Variants in GUCY1A2 observed in about 807,000 individuals in gnomAD.
GUCY1A2 encodes guanylate cyclase soluble subunit alpha-2.
Under a neutral mutation model 63.5 loss-of-function variants are expected in GUCY1A2, and 27 were observed. The observed-to-expected ratio is 0.43, with a 90% CI of 0.31 to 0.59. The LOEUF (loss-of-function observed/expected upper bound fraction) is 0.59, where lower values mean the gene tolerates loss of function less well. Ranked by LOEUF, GUCY1A2 falls within the 20% of genes least tolerant of loss-of-function variation. The pLI, the probability that GUCY1A2 is intolerant of heterozygous loss-of-function variation, is 0.11. For synonymous variants in GUCY1A2, 364 were observed against 343.5 expected, an observed-to-expected ratio of 1.06 and a Z score of -0.66; for missense variants, 768 against 913.3, an observed-to-expected ratio of 0.84 and a Z score of 2.05.
chr11:106,716,629 C>T (rs1863218937), intron 6 of GUCY1A2, among the ~76,000 whole-genome samples: 1 of 151,756 alleles, frequency 6.6e-6, no homozygotes, highest in Non-Finnish European at 1.5e-5. Context: ...ATTAGCTGAG[C>T]GTGGTGGAGG....
At chr11:106,721,276 C>G (rs1470517123) in intron 6 of GUCY1A2, among the ~76,000 whole-genome samples, 2 of 152,114 alleles carry the variant, frequency 1.3e-5, no homozygotes, top group Non-Finnish European at 2.9e-5. Context: ...CCAGGCTACT[C>G]TCAAACTCGC....
intron 1 of GUCY1A2, among the ~76,000 whole-genome samples, chr11:106,999,738 C>T (rs117086899): frequency 0.013 from 2,051 of 152,070 alleles, 29 homozygotes; most frequent in South Asian, 0.045. Flanking sequence ...ATTACATGTC[C>T]AATGGAATTG....
intron 6 of GUCY1A2, among the ~76,000 whole-genome samples, chr11:106,772,303 T>C (rs996511483): frequency 2.0e-5 from 3 of 152,138 alleles, no homozygotes; most frequent in African/African-American, 7.2e-5. Flanking sequence ...TAACTTGTAA[T>C]TTAAATCACC....
At chr11:106,746,669 A>C in intron 6 of GUCY1A2, 1 of 1,318,630 alleles carries the variant, frequency 7.6e-7, no homozygotes, top group South Asian at 1.2e-5. Flanking sequence ...CGAGACACCA[A>C]GTGAATCAAG....
At chr11:106,757,546 G>A (rs1286418564) in intron 6 of GUCY1A2, among the ~76,000 whole-genome samples, 3 of 151,996 alleles carry the variant, frequency 2.0e-5, no homozygotes, top group Non-Finnish European at 4.4e-5. Flanking sequence ...GTGGGTGTCC[G>A]TTTTGTTGAT....
chr11:107,007,511 G>C (rs1200413406), intron 1 of GUCY1A2, among the ~76,000 whole-genome samples: 1 of 152,044 alleles, frequency 6.6e-6, no homozygotes, highest in Non-Finnish European at 1.5e-5. Flanking sequence ...CTGACATATA[G>C]GCCTTCTAAT....
intron 4 of GUCY1A2, chr11:106,826,716 CGCT>C: frequency 6.2e-7 from 1 of 1,610,216 alleles, no homozygotes; most frequent in Admixed American, 1.7e-5. Flanking sequence ...CTCCTGAACT[CGCT>C]GCAGCCATGC....
At chr11:106,945,255 G>C (rs1442536757) in intron 3 of GUCY1A2, among the ~76,000 whole-genome samples, 1 of 151,598 alleles carries the variant, frequency 6.6e-6, no homozygotes, top group East Asian at 1.9e-4. Flanking sequence ...ATGAAAGCTA[G>C]ATGATGAGAG....
Position 107,018,456 on chromosome 11 carries a change from G to A in GUCY1A2, c.-401C>T, listed in dbSNP as rs1297531129. On this transcript the variant is annotated 5_prime_UTR_variant, in exon 1 of 8. Transcript: ENST00000526355. ...GAGGGCTGCGGCCCAAGCAGAAGGGGAGGCAGAGGCAGAGGCTTCTGCCGC... is the reference window on the plus strand; with the variant it reads ...GAGGGCTGCGGCCCAAGCAGAAGGGAAGGCAGAGGCAGAGGCTTCTGCCGC... 6.6e-6 allele frequency: 1 copy of A among 150,786 alleles called. No homozygotes were observed. The highest frequency in any genetic ancestry group is 2.4e-5 in the African/African-American group (1 of 41,308). The allele number at this position is 150,786 out of a possible 1,614,324, so 9.3% of individuals were successfully genotyped here.
chr11:106,947,843 C>T (rs1860851367), intron 3 of GUCY1A2, among the ~76,000 whole-genome samples: 1 of 151,788 alleles, frequency 6.6e-6, no homozygotes, highest in African/African-American at 2.4e-5. Flanking sequence ...GAAATGTTTT[C>T]AGCAACAAAA....
rs1452053518 is a variant in GUCY1A2, at chr11:106,750,935, C to CTAAAG, written c.1836+25499_1836+25503dup. ...CTATAAAATAAAATCAGTCATTCTG[C>CTAAAG]TAAAGTATAACTTTTAAGGATGAAT... On this transcript the variant is annotated intron_variant, in intron 6 of 7. Transcript: ENST00000526355. 2.0e-5 allele frequency among the ~76,000 whole-genome samples: 3 copies of CTAAAG among 152,042 alleles called. No homozygotes were observed. In the East Asian group the frequency reaches 5.8e-4, roughly 29 times the overall value.
chr11:106,923,655 T>C (rs1251256114), intron 4 of GUCY1A2, among the ~76,000 whole-genome samples: 1 of 152,106 alleles, frequency 6.6e-6, no homozygotes, highest in Non-Finnish European at 1.5e-5. Context: ...CTTTAGCAAA[T>C]ATTGACATAT....
intron 6 of GUCY1A2, among the ~76,000 whole-genome samples, chr11:106,761,387 G>A (rs11211899): frequency 0.15 from 23,162 of 152,010 alleles, 3,253 homozygotes; most frequent in African/African-American, 0.38. Context: ...AAGAAAAGAA[G>A]GATGGGTGTC....
At chr11:106,833,867 T>C (rs1340517396) in intron 4 of GUCY1A2, among the ~76,000 whole-genome samples, 1 of 152,162 alleles carries the variant, frequency 6.6e-6, no homozygotes, top group East Asian at 1.9e-4. Flanking sequence ...AGAAGAGCTA[T>C]GCAGTAGTCT....
chr11:107,005,648 T>C (rs1861661673), intron 1 of GUCY1A2, among the ~76,000 whole-genome samples: 2 of 152,210 alleles, frequency 1.3e-5, no homozygotes, highest in Non-Finnish European at 2.9e-5. Context: ...ATGGAATATA[T>C]GCTGAATAAA....
rs1038841207 is a variant in GUCY1A2, at chr11:106,736,266, G to A, written c.1837-27600C>T. Among the ~76,000 whole-genome samples the A allele has an allele frequency of 2.6e-5, 4 of 152,070 alleles. No homozygotes were observed. The East Asian group carries it at 7.7e-4, about 29-fold the overall frequency. The stretch of plus-strand genomic sequence containing the variant: ...CCTTTTAGTAGTTTCATAGTTTGAG[G>A]TCTAAGAATTTAAATCTTTAATCTA... On this transcript the variant is annotated intron_variant, in intron 6 of 7. Transcript: ENST00000526355.
At chr11:106,692,203 A>C (rs1862637349) in intron 7 of GUCY1A2, among the ~76,000 whole-genome samples, 2 of 152,056 alleles carry the variant, frequency 1.3e-5, no homozygotes, top group Non-Finnish European at 2.9e-5. Flanking sequence ...ATTCTATATA[A>C]ATCTAAATTA....
At chr11:106,897,095 T>TGCTAATG (rs1860061031) in intron 4 of GUCY1A2, among the ~76,000 whole-genome samples, 1 of 152,060 alleles carries the variant, frequency 6.6e-6, no homozygotes, top group Non-Finnish European at 1.5e-5. Flanking sequence ...ATACAATACA[T>TGCTAATG]TTACATTAGC....
At chr11:106,758,465 G>C (rs946647211) in intron 6 of GUCY1A2, among the ~76,000 whole-genome samples, 1 of 152,244 alleles carries the variant, frequency 6.6e-6, no homozygotes, top group Non-Finnish European at 1.5e-5. Context: ...GTGAAGCAAC[G>C]CCACACACTG....
Sources: gnomAD v4.1 joint callset for allele counts (sites outside exome capture counted in the v4.1 genomes callset) on GRCh38, gnomAD v4.1.1 for gene constraint, MANE v1.5 for transcripts, NCBI Gene and HGNC (gene_info 2026-07-23, HGNC 2026-07-21) for gene names.